Variants in SNTG2 observed in about 807,000 individuals in gnomAD.
SNTG2 encodes gamma-2-syntrophin.
SNTG2 carries 74 observed loss-of-function variants against 70.9 expected under a neutral mutation model. That is an observed-to-expected ratio of 1.04 (90% CI 0.86 to 1.27). The LOEUF is 1.27. SNTG2 is among the 50% of genes most tolerant of loss of function. The pLI is 0.00. For missense variants in SNTG2, 717 were observed against 690.7 expected (o/e 1.04, Z -0.43); for synonymous variants, 278 against 273.8 (o/e 1.02, Z -0.15).
At chr2:1,225,551 C>G (rs542143807) in intron 9 of SNTG2, among the ~76,000 whole-genome samples, 3 of 152,178 alleles carry the variant, frequency 2.0e-5, no homozygotes, top group Non-Finnish European at 4.4e-5. Context: ...GCTTTTACTG[C>G]TTTTGTGGTT....
At chr2:1,171,977 T>C (rs1463612204) in intron 7 of SNTG2, among the ~76,000 whole-genome samples, 1 of 152,180 alleles carries the variant, frequency 6.6e-6, no homozygotes, top group Non-Finnish European at 1.5e-5. Context: ...CCGATTGTTC[T>C]TCACTTTAAT....
At chr2:1,288,424 G>A (rs1679854075) in intron 14 of SNTG2, among the ~76,000 whole-genome samples, 1 of 152,102 alleles carries the variant, frequency 6.6e-6, no homozygotes, top group African/African-American at 2.4e-5. Flanking sequence ...TAAGTTAATG[G>A]TGCTCAGCTA....
intron 4 of SNTG2, among the ~76,000 whole-genome samples, chr2:1,119,183 C>T (rs1346159954): frequency 6.6e-6 from 1 of 152,090 alleles, no homozygotes. Flanking sequence ...AGCAAAGCTG[C>T]CCTTCAGAAA....
intron 6 of SNTG2, among the ~76,000 whole-genome samples, chr2:1,148,675 A>G (rs1669260548): frequency 6.6e-6 from 1 of 152,252 alleles, no homozygotes; most frequent in South Asian, 2.1e-4. Context: ...GTGATCACCC[A>G]GATGATGAAG....
chr2:1,196,184 GAAAC>G (rs947400358), intron 8 of SNTG2, among the ~76,000 whole-genome samples: 8 of 151,884 alleles, frequency 5.3e-5, no homozygotes, highest in Admixed American at 2.6e-4. Context: ...TAAAAACAAG[GAAAC>G]AAACAGAAAT....
At chr2:1,089,681 G>C (rs1664897156) in intron 2 of SNTG2, among the ~76,000 whole-genome samples, 1 of 152,210 alleles carries the variant, frequency 6.6e-6, no homozygotes, top group Admixed American at 6.5e-5. Flanking sequence ...ACGAGGGTGT[G>C]TGCACACAAA....
chr2:1,337,537 T>G (rs1411718355), intron 16 of SNTG2, among the ~76,000 whole-genome samples: 2 of 152,146 alleles, frequency 1.3e-5, no homozygotes, highest in Admixed American at 6.5e-5. Context: ...CAAGTTGTCT[T>G]TTGTTGTTGT....
At chr2:1,009,529 T>C (rs1280350781) in intron 1 of SNTG2, among the ~76,000 whole-genome samples, 7 of 139,724 alleles carry the variant, frequency 5.0e-5, no homozygotes, top group South Asian at 2.8e-4. Context: ...CAGCCACACC[T>C]GTGTCCCCAG....
chr2:1,048,867 TTGTGAGG>T (rs1661893195), intron 1 of SNTG2, among the ~76,000 whole-genome samples: 1 of 152,214 alleles, frequency 6.6e-6, no homozygotes, highest in Non-Finnish European at 1.5e-5. Flanking sequence ...GTTCATTCTT[TTGTGAGG>T]TGATGTTGTT....
intron 1 of SNTG2, among the ~76,000 whole-genome samples, chr2:1,060,089 G>A (rs1662713487): frequency 6.6e-6 from 1 of 152,058 alleles, no homozygotes; most frequent in Non-Finnish European, 1.5e-5. Flanking sequence ...ATACAAACTG[G>A]AATGTACTCT....
chr2:1,089,473 A>G (rs1457600654), intron 2 of SNTG2, among the ~76,000 whole-genome samples: 3 of 152,200 alleles, frequency 2.0e-5, no homozygotes, highest in Non-Finnish European at 4.4e-5. Flanking sequence ...CGTTTCTACT[A>G]AAAATACAAA....
chr2:1,229,674 GC>G (rs1676058088), intron 9 of SNTG2, among the ~76,000 whole-genome samples: 1 of 152,168 alleles, frequency 6.6e-6, no homozygotes, highest in South Asian at 2.1e-4. Context: ...GGAGGCTCGG[GC>G]CGCACAGGAG....
chr2:1,183,354 C>T (rs34191484), intron 8 of SNTG2, among the ~76,000 whole-genome samples: 47,635 of 151,656 alleles, frequency 0.31, 7,999 homozygotes, highest in East Asian at 0.65. Flanking sequence ...TCCATTTCTT[C>T]TGGGTGTCTG....
rs567430685 is a variant in SNTG2 at position 1,097,333 on chromosome 2, C to A, written c.211-863C>A. ...TTTACTTCTTTGTCCTTGCTTTGCA[C>A]AGCAGATTCCTTTCAGAGCCATTCA... On this transcript the variant is annotated intron_variant, in intron 2 of 16. Transcript: ENST00000308624. This position sits in a 1 kb window ranked among gnomAD's most constrained non-coding sequence, Gnocchi z 4.1. 2.4e-3 allele frequency among the ~76,000 whole-genome samples: 360 copies of A among 152,340 alleles called. No homozygotes were observed. The highest frequency in any genetic ancestry group is 8.3e-3 in the African/African-American group (346 of 41,572).
intron 16 of SNTG2, among the ~76,000 whole-genome samples, chr2:1,351,171 A>T (rs935229452): frequency 6.6e-6 from 1 of 151,802 alleles, no homozygotes; most frequent in African/African-American, 2.4e-5. Context: ...GTGTATGTCT[A>T]CCTGACTCTG....
intron 1 of SNTG2, among the ~76,000 whole-genome samples, chr2:977,615 T>C (rs1660950661): frequency 6.6e-6 from 1 of 152,188 alleles, no homozygotes; most frequent in Admixed American, 6.5e-5. Context: ...CAATGGTCCA[T>C]CTTGCCTGTG....
chr2:1,223,663 C>T (rs962607135), intron 9 of SNTG2, among the ~76,000 whole-genome samples: 12 of 152,212 alleles, frequency 7.9e-5, no homozygotes, highest in African/African-American at 2.9e-4. Context: ...TCGTATTGGG[C>T]CAAATTAATC....
In SNTG2 at chr2:1,295,111, GTC is replaced by G. The variant is rs1042073064; in HGVS notation, c.1285-13374_1285-13373del. On this transcript the variant is annotated intron_variant, in intron 14 of 16. Coordinates refer to ENST00000308624, the MANE Select transcript of SNTG2 (RefSeq NM_018968.4). ...GAATGACTGAGTGGGCAGTGTCAGA[GTC>G]TCTCTCTCATGCTAGGGTGGTGCCG... is the stretch of plus-strand genomic sequence containing the variant. Among the ~76,000 whole-genome samples the G allele has an allele frequency of 5.9e-5, 9 of 152,162 alleles. 1 individual carries two copies. The highest frequency in any genetic ancestry group is 1.9e-4 in the African/African-American group (8 of 41,448).
At chr2:992,102 C>T (rs569820724) in intron 1 of SNTG2, among the ~76,000 whole-genome samples, 152 of 152,132 alleles carry the variant, frequency 1.0e-3, no homozygotes, top group African/African-American at 3.5e-3. Flanking sequence ...ATGGAAATAA[C>T]CTCAGATAGG....
Sources: allele counts gnomAD v4.1 joint callset (sites outside exome capture counted in the v4.1 genomes callset), GRCh38; gene constraint gnomAD v4.1.1; non-coding constraint Gnocchi (gnomAD v3.1); transcripts MANE v1.5; gene names NCBI Gene and HGNC (gene_info 2026-07-23, HGNC 2026-07-21).